Variants in WDFY2 observed in about 807,000 individuals in gnomAD.
WDFY2 encodes WD repeat and FYVE domain containing 2, also known as WD repeat and FYVE domain-containing protein 2.
Under a neutral mutation model 56.4 loss-of-function variants are expected in WDFY2, and 36 were observed. The ratio of observed to expected loss-of-function variants is 0.64; its 90% CI spans 0.49 to 0.84. WDFY2 has a LOEUF of 0.84. Among genes scored for constraint, WDFY2 ranks in the 40% least tolerant of loss-of-function variants. The pLI, the probability that WDFY2 is intolerant of heterozygous loss-of-function variation, is 0.00. For synonymous variants in WDFY2, 176 were observed against 183.7 expected, an observed-to-expected ratio of 0.96 and a Z score of 0.34; for missense variants, 444 against 512.2, an observed-to-expected ratio of 0.87 and a Z score of 1.29.
chr13:51,738,925 C>G, intron 6 of WDFY2, 124 bp from the exon 7 acceptor site: 6 of 1,223,526 alleles, frequency 4.9e-6, no homozygotes, highest in Non-Finnish European at 6.4e-6. Flanking sequence ...CTTGATTGTT[C>G]TTTCAATAAG....
chr13:51,633,866 A>T (rs959564572), intron 1 of WDFY2, among the ~76,000 whole-genome samples: 1 of 152,140 alleles, frequency 6.6e-6, no homozygotes, highest in Non-Finnish European at 1.5e-5. Context: ...TAGTATATAT[A>T]CTTTGGTCTG....
intron 3 of WDFY2, among the ~76,000 whole-genome samples, chr13:51,691,590 G>C (rs1263749797): frequency 6.6e-6 from 1 of 151,992 alleles, no homozygotes; most frequent in Non-Finnish European, 1.5e-5. Flanking sequence ...TGCTGTTTTG[G>C]TTACTGTAGC....
chr13:51,680,914 C>G (rs1593407025), intron 3 of WDFY2, among the ~76,000 whole-genome samples: 1 of 152,082 alleles, frequency 6.6e-6, no homozygotes, highest in Admixed American at 6.6e-5. Flanking sequence ...AAGGAATTGC[C>G]CTAGGGTATT....
intron 1 of WDFY2, among the ~76,000 whole-genome samples, chr13:51,658,939 G>A (rs1955562240): frequency 6.6e-6 from 1 of 151,746 alleles, no homozygotes; most frequent in Non-Finnish European, 1.5e-5. Flanking sequence ...TTAATTTACT[G>A]TTTTTGAGAC....
intron 4 of WDFY2, 24 bp from the exon 5 acceptor site, chr13:51,719,173 TG>T (rs746097895): frequency 1.6e-4 from 266 of 1,613,900 alleles, no homozygotes; most frequent in Non-Finnish European, 2.2e-4. Context: ...CTTTATAGGT[TG>T]TTTTCTTTTC....
intron 5 of WDFY2, among the ~76,000 whole-genome samples, chr13:51,722,203 A>G (rs930254737): frequency 3.9e-5 from 6 of 152,082 alleles, no homozygotes; most frequent in African/African-American, 7.2e-5. Context: ...ATTCTCTTCT[A>G]TCTCCACCTC....
intron 1 of WDFY2, among the ~76,000 whole-genome samples, chr13:51,605,252 T>G (rs1954363548): frequency 6.6e-6 from 1 of 152,224 alleles, no homozygotes; most frequent in South Asian, 2.1e-4. Context: ...GAGCGGGCAA[T>G]GGAGTCAGAC....
intron 5 of WDFY2, among the ~76,000 whole-genome samples, chr13:51,724,647 C>T (rs1952566551): frequency 6.6e-6 from 1 of 152,150 alleles, no homozygotes; most frequent in Non-Finnish European, 1.5e-5. Flanking sequence ...CATGCATGGC[C>T]TCCCCATTAC....
chr13:51,592,975 A>G (rs993149345), intron 1 of WDFY2, among the ~76,000 whole-genome samples: 1 of 152,212 alleles, frequency 6.6e-6, no homozygotes, highest in African/African-American at 2.4e-5. Flanking sequence ...TAAATAAATA[A>G]AAGATAATAA....
intron 2 of WDFY2, among the ~76,000 whole-genome samples, chr13:51,670,489 GCA>G (rs55984632): frequency 0.2 from 26,658 of 131,132 alleles, 2,436 homozygotes; most frequent in East Asian, 0.25. Context: ...GTGCGCACAT[GCA>G]CACACACACA....
chr13:51,690,101 A>G (rs868661086), intron 3 of WDFY2, among the ~76,000 whole-genome samples: 3 of 151,680 alleles, frequency 2.0e-5, no homozygotes, highest in African/African-American at 7.3e-5. Context: ...ATAGATTGTT[A>G]TTTATATTAA....
At chr13:51,702,040 G>A (rs749486787) in intron 3 of WDFY2, among the ~76,000 whole-genome samples, 4 of 152,204 alleles carry the variant, frequency 2.6e-5, no homozygotes, top group Non-Finnish European at 4.4e-5. Flanking sequence ...GGCCAGGTGC[G>A]GTGGTGCACA....
chr13:51,680,010 G>T (rs1169651938), intron 3 of WDFY2, among the ~76,000 whole-genome samples: 1 of 152,078 alleles, frequency 6.6e-6, no homozygotes, highest in Admixed American at 6.6e-5. Context: ...CTGCAGCCTT[G>T]AGCTCCTGGA....
chr13:51,601,922 A>G (rs1471713684), intron 1 of WDFY2, among the ~76,000 whole-genome samples: 2 of 152,178 alleles, frequency 1.3e-5, no homozygotes, highest in Non-Finnish European at 2.9e-5. Flanking sequence ...CCAATCAACA[A>G]ATGACAATAC....
intron 4 of WDFY2, among the ~76,000 whole-genome samples, chr13:51,715,756 G>T (rs1057026266): frequency 4.9e-4 from 75 of 152,178 alleles, no homozygotes; most frequent in African/African-American, 1.6e-3. Flanking sequence ...TAAATGACTG[G>T]CAGCACAGTG....
chr13:51,750,628 G>A (rs1953211072), intron 7 of WDFY2, among the ~76,000 whole-genome samples: 1 of 151,608 alleles, frequency 6.6e-6, no homozygotes, highest in Non-Finnish European at 1.5e-5. Context: ...CAATCACTCA[G>A]ACCATAAAAC....
intron 6 of WDFY2, 97 bp from the exon 7 acceptor site, chr13:51,738,951 AG>A: frequency 7.7e-7 from 1 of 1,298,662 alleles, no homozygotes; most frequent in Non-Finnish European, 1.0e-6. Context: ...ATTGTATGCC[AG>A]GAACTGCACT....
At chr13:51,752,641 G>A (rs1953264377) in intron 8 of WDFY2, among the ~76,000 whole-genome samples, 1 of 152,182 alleles carries the variant, frequency 6.6e-6, no homozygotes, top group African/African-American at 2.4e-5. Context: ...ACAGTGTGGT[G>A]TCCAGAGATG....
intron 1 of WDFY2, among the ~76,000 whole-genome samples, chr13:51,656,656 A>AG (rs1214780810): frequency 6.6e-6 from 1 of 151,860 alleles, no homozygotes; most frequent in East Asian, 1.9e-4. Context: ...TTAATATTTT[A>AG]GGGGCTCTGT....
Sources: allele counts gnomAD v4.1 joint callset (sites outside exome capture counted in the v4.1 genomes callset), GRCh38; gene constraint gnomAD v4.1.1; transcripts MANE v1.5; gene names NCBI Gene and HGNC (gene_info 2026-07-23, HGNC 2026-07-21).